The following ATXN7 variants were observed in gnomAD, a reference collection of about 807,000 sequenced individuals.
ATXN7 encodes the protein ataxin 7.
Under a neutral mutation model 70.5 loss-of-function variants are expected in ATXN7, and 12 were observed. The ratio of observed to expected loss-of-function variants is 0.17; its 90% CI spans 0.11 to 0.28. The LOEUF (loss-of-function observed/expected upper bound fraction) is 0.28, where lower values mean the gene tolerates loss of function less well. Among genes scored for constraint, ATXN7 ranks in the 10% least tolerant of loss-of-function variants. The pLI is 1.00. For synonymous variants in ATXN7, 498 were observed against 448.7 expected (o/e 1.11, Z -1.39); for missense variants, 1,256 against 1,131.7 (o/e 1.11, Z -1.58).
chr3:63,986,057 G>A (rs978057103), intron 8 of ATXN7, among the ~76,000 whole-genome samples: 3 of 152,158 alleles, frequency 2.0e-5, no homozygotes, highest in East Asian at 3.9e-4. Context: ...AGGAACATTG[G>A]GCTGAAATCA....
chr3:63,968,236 C>CTGCT, intron 5 of ATXN7: 1 of 411,976 alleles, frequency 2.4e-6, no homozygotes, highest in Non-Finnish European at 4.4e-6. Flanking sequence ...CAGGGATTAG[C>CTGCT]TGCTGCAAGC....
intron 8 of ATXN7, among the ~76,000 whole-genome samples, chr3:63,985,897 TGTG>T (rs1308811620): frequency 2.0e-5 from 3 of 152,228 alleles, no homozygotes; most frequent in African/African-American, 7.2e-5. Flanking sequence ...TCCCTATGCT[TGTG>T]GTGCTTACAG....
At chr3:63,945,583 C>G (rs138729475) in intron 4 of ATXN7, among the ~76,000 whole-genome samples, 46 of 152,306 alleles carry the variant, frequency 3.0e-4, no homozygotes, top group African/African-American at 1.0e-3. Flanking sequence ...AGGACTTAAT[C>G]TTTCAATTAT....
intron 5 of ATXN7, among the ~76,000 whole-genome samples, chr3:63,967,546 C>A (rs932214396): frequency 6.6e-6 from 1 of 151,844 alleles, no homozygotes; most frequent in Non-Finnish European, 1.5e-5. Context: ...TTGTAATATA[C>A]CTGGTAGTAG....
chr3:63,870,890 A>G (rs1318688650), intron 1 of ATXN7, among the ~76,000 whole-genome samples: 2 of 152,174 alleles, frequency 1.3e-5, no homozygotes, highest in Non-Finnish European at 2.9e-5. Flanking sequence ...GATTAGCTCT[A>G]GGATTGGTGT....
At chr3:63,955,247 G>A (rs1350479433) in intron 5 of ATXN7, among the ~76,000 whole-genome samples, 1 of 152,194 alleles carries the variant, frequency 6.6e-6, no homozygotes, top group Non-Finnish European at 1.5e-5. Context: ...TAGTGACAAG[G>A]GAAATATTAA....
intron 11 of ATXN7, 198 bp downstream of exon 11, chr3:63,991,057 A>T (rs2075663850): frequency 1.4e-6 from 1 of 725,686 alleles, no homozygotes; most frequent in African/African-American, 1.8e-5. Context: ...GGGTGCTGGC[A>T]TTCAAAGCAG....
intron 4 of ATXN7, among the ~76,000 whole-genome samples, chr3:63,927,740 T>A (rs1704774683): frequency 6.6e-6 from 1 of 152,154 alleles, no homozygotes; most frequent in African/African-American, 2.4e-5. Context: ...CCCTTCCCTT[T>A]ATTTCTGTTT....
intron 1 of ATXN7, among the ~76,000 whole-genome samples, chr3:63,877,721 A>G (rs1702789136): frequency 6.6e-6 from 1 of 152,220 alleles, no homozygotes; most frequent in African/African-American, 2.4e-5. Context: ...CCGTGGAAAA[A>G]TTCTTTAAAT....
chr3:63,901,588 C>T (rs1267851616), intron 2 of ATXN7: 2 of 151,930 alleles, frequency 1.3e-5, no homozygotes, highest in African/African-American at 4.8e-5. Flanking sequence ...CAGGAGTTCT[C>T]TTTAAAAAAA....
chr3:63,959,976 T>C (rs2075099696), intron 5 of ATXN7, among the ~76,000 whole-genome samples: 1 of 152,186 alleles, frequency 6.6e-6, no homozygotes, highest in African/African-American at 2.4e-5. Context: ...CTTAATACAA[T>C]ACATTGTATT....
intron 4 of ATXN7, among the ~76,000 whole-genome samples, chr3:63,930,582 A>AGTG (rs1470325236): frequency 6.7e-6 from 1 of 149,938 alleles, no homozygotes; most frequent in East Asian, 2.0e-4. Context: ...CCCAGGCTGG[A>AGTG]GTGCAGTGGC....
intron 11 of ATXN7, among the ~76,000 whole-genome samples, chr3:63,995,146 T>G (rs1182239507): frequency 2.0e-5 from 3 of 152,082 alleles, no homozygotes; most frequent in African/African-American, 7.2e-5. Context: ...ATTTGGTGAT[T>G]AGCAATCCGA....
intron 5 of ATXN7, among the ~76,000 whole-genome samples, chr3:63,959,651 A>G (rs1011928583): frequency 2.6e-5 from 4 of 152,208 alleles, no homozygotes; most frequent in Admixed American, 2.0e-4. Context: ...ATAAAGGTTT[A>G]TTCTCTCTCA....
chr3:64,002,858 T>G lies in ATXN7; in HGVS notation c.*3391T>G, dbSNP rs1487131899. 1.3e-5 allele frequency: 2 copies of G among 152,244 alleles called. No homozygotes were observed. The highest frequency in any genetic ancestry group is 2.9e-5 in the Non-Finnish European group (2 of 68,048). 9.4% of individuals were successfully genotyped at this position (152,244 alleles called of 1,614,324 possible). A position where few individuals can be genotyped will look rare whatever the true frequency, so the allele number is the denominator to read the frequency against. ...CAACTTACACGATGTGTCCGTTTTG[T>G]TATTCACTCATGAAATACAATTTAA... On this transcript the variant is annotated 3_prime_UTR_variant, in exon 13 of 13. Transcript: ENST00000674280.
intron 2 of ATXN7, chr3:63,905,870 G>C (rs1703821579): frequency 6.6e-6 from 1 of 152,142 alleles, no homozygotes; most frequent in African/African-American, 2.4e-5. Context: ...GATTAAATTG[G>C]TGAAAATAAA....
intron 4 of ATXN7, among the ~76,000 whole-genome samples, chr3:63,919,755 C>G (rs1250842638): frequency 9.4e-6 from 1 of 106,292 alleles, no homozygotes; most frequent in Admixed American, 1.3e-4. Flanking sequence ...CCCCCCTCCC[C>G]CCACCCCACA....
intron 1 of ATXN7, among the ~76,000 whole-genome samples, chr3:63,866,226 C>T (rs995207877): frequency 6.6e-6 from 1 of 151,988 alleles, no homozygotes; most frequent in African/African-American, 2.4e-5. Context: ...TGAGCTGTAC[C>T]TGAAAATAAA....
intron 4 of ATXN7, among the ~76,000 whole-genome samples, chr3:63,928,302 AAAAC>A (rs1351029307): frequency 1.3e-5 from 2 of 152,072 alleles, no homozygotes; most frequent in Non-Finnish European, 2.9e-5. Flanking sequence ...CCCTTTCTCA[AAAAC>A]AAACAAAAAA....
Sources: gnomAD v4.1 joint callset for allele counts (sites outside exome capture counted in the v4.1 genomes callset) on GRCh38, gnomAD v4.1.1 for gene constraint, MANE v1.5 for transcripts, NCBI Gene and HGNC (gene_info 2026-07-23, HGNC 2026-07-21) for gene names.